ACVR1: variants seen among roughly 807,000 people sequenced by gnomAD.
ACVR1 encodes activin receptor type-1.
ACVR1 carries 38 observed loss-of-function variants against 57.1 expected under a neutral mutation model. The observed-to-expected ratio is 0.67, with a 90% CI of 0.51 to 0.87. The LOEUF (loss-of-function observed/expected upper bound fraction) is 0.87, where lower values mean the gene tolerates loss of function less well. Among genes scored for constraint, ACVR1 ranks in the 40% least tolerant of loss-of-function variants. ACVR1 has a pLI of 0.00. For synonymous variants in ACVR1, 212 were observed against 228.1 expected, an observed-to-expected ratio of 0.93 and a Z score of 0.63; for missense variants, 463 against 638.2, an observed-to-expected ratio of 0.73 and a Z score of 2.96.
chr2:157,739,028 G>C (rs1684645229), intron 9 of ACVR1, among the ~76,000 whole-genome samples: 1 of 152,154 alleles, frequency 6.6e-6, no homozygotes, highest in Non-Finnish European at 1.5e-5. Flanking sequence ...AATAAACCAA[G>C]ACCATCATCA....
chr2:157,837,888 C>A lies in ACVR1; in HGVS notation c.-182-19329G>T, dbSNP rs577594929. Among the ~76,000 whole-genome samples the A allele has an allele frequency of 7.2e-5, 11 of 152,310 alleles. 1 individual carries two copies. The South Asian group carries it at 1.2e-3, about 17-fold the overall frequency. On this transcript the variant is annotated intron_variant, in intron 1 of 10. Transcript: ENST00000434821. ...TGAACGTGGACTCTTGACTCGAATT[C>A]TCTGCCCCTCTTTGCAGCTGTTGTC...
chr2:157,840,770 C>T (rs1041333711), intron 1 of ACVR1, among the ~76,000 whole-genome samples: 1 of 152,264 alleles, frequency 6.6e-6, no homozygotes, highest in Non-Finnish European at 1.5e-5. Context: ...GGGTTCAGGT[C>T]AGCCAAAGCA....
intron 3 of ACVR1, 23 bp downstream of exon 3, chr2:157,799,404 C>T (rs748070266): frequency 2.0e-5 from 31 of 1,583,792 alleles, no homozygotes; most frequent in African/African-American, 2.7e-5. Flanking sequence ...TTATCTTAAC[C>T]CAAAAAGATG....
intron 1 of ACVR1, among the ~76,000 whole-genome samples, chr2:157,863,969 C>T (rs1191155701): frequency 6.7e-6 from 1 of 149,860 alleles, no homozygotes; most frequent in East Asian, 2.0e-4. Flanking sequence ...AAGAGATTCT[C>T]CTGCCTCAGC....
At chr2:157,872,867 C>T (rs1047628362) in intron 1 of ACVR1, among the ~76,000 whole-genome samples, 3 of 152,146 alleles carry the variant, frequency 2.0e-5, no homozygotes, top group Admixed American at 6.5e-5. Flanking sequence ...AAAACCAGAA[C>T]ATCACCAACA....
intron 1 of ACVR1, among the ~76,000 whole-genome samples, chr2:157,864,072 C>G (rs1252610551): frequency 6.6e-6 from 1 of 151,702 alleles, no homozygotes; most frequent in Admixed American, 6.6e-5. Flanking sequence ...CCATGTTAGT[C>G]AGGATGGTCT....
At chr2:157,757,191 A>G (rs1685472334) in intron 9 of ACVR1, among the ~76,000 whole-genome samples, 1 of 151,550 alleles carries the variant, frequency 6.6e-6, no homozygotes, top group Non-Finnish European at 1.5e-5. Context: ...ATAGCCAGTC[A>G]AACAAACAAA....
chr2:157,861,908 C>A (rs1477247722), intron 1 of ACVR1, among the ~76,000 whole-genome samples: 1 of 152,070 alleles, frequency 6.6e-6, no homozygotes, highest in Non-Finnish European at 1.5e-5. Context: ...TAATTTAATC[C>A]TAAAGTAGAT....
At chr2:157,743,838 T>C (rs1684866440) in intron 9 of ACVR1, among the ~76,000 whole-genome samples, 1 of 152,114 alleles carries the variant, frequency 6.6e-6, no homozygotes, top group Non-Finnish European at 1.5e-5. Flanking sequence ...GACTTCTCAG[T>C]TGCAGATAAG....
chr2:157,838,090 C>G (rs531826850), intron 1 of ACVR1, among the ~76,000 whole-genome samples: 4 of 146,226 alleles, frequency 2.7e-5, no homozygotes, highest in Admixed American at 6.7e-5. Flanking sequence ...AAAGCTTTTC[C>G]CCCCCTCCCC....
At chr2:157,826,705 G>T (rs1359479948) in intron 1 of ACVR1, 2 of 548 alleles carry the variant, frequency 3.6e-3, no homozygotes, top group African/African-American at 5.2e-3. Flanking sequence ...GAGAAGGAAA[G>T]GAAAGGAAAG....
At chr2:157,778,608 A>G (rs1686387202) in intron 4 of ACVR1, among the ~76,000 whole-genome samples, 1 of 152,226 alleles carries the variant, frequency 6.6e-6, no homozygotes, top group Admixed American at 6.5e-5. Flanking sequence ...TTTAAAATAT[A>G]AAGTACTGTA....
chr2:157,742,396 C>T (rs934503923), intron 9 of ACVR1, among the ~76,000 whole-genome samples: 4 of 152,256 alleles, frequency 2.6e-5, no homozygotes, highest in African/African-American at 4.8e-5. Flanking sequence ...TGGCCAGGGA[C>T]GGAACAGACT....
intron 1 of ACVR1, among the ~76,000 whole-genome samples, chr2:157,837,556 C>T (rs974585319): frequency 1.1e-4 from 17 of 152,060 alleles, no homozygotes; most frequent in African/African-American, 3.1e-4. Flanking sequence ...GAAAATAGAG[C>T]GGTACATCTG....
At chr2:157,799,978 G>A (rs995014096) in intron 2 of ACVR1, among the ~76,000 whole-genome samples, 1 of 152,156 alleles carries the variant, frequency 6.6e-6, no homozygotes, top group Non-Finnish European at 1.5e-5. Context: ...TAAAAGGACT[G>A]GAGGCAGAGC....
intron 3 of ACVR1, among the ~76,000 whole-genome samples, chr2:157,781,597 G>GT (rs1686528063): frequency 1.3e-5 from 2 of 152,234 alleles, no homozygotes; most frequent in South Asian, 2.1e-4. Context: ...TGTTTGAACA[G>GT]TAAGGTGACA....
In ACVR1 at chr2:157,765,328, T is replaced by C. The variant is rs939857182; in HGVS notation, c.1066+593A>G. ...ACAGAATGATTTTAGAGACCACTTTTAAGATAAACTAATTCTATAGAGTAT... is the reference window on the plus strand; with the variant it reads ...ACAGAATGATTTTAGAGACCACTTTCAAGATAAACTAATTCTATAGAGTAT... On this transcript the variant is annotated intron_variant, in intron 8 of 10. Transcript: ENST00000434821. 5.9e-5 allele frequency among the ~76,000 whole-genome samples: 9 copies of C among 152,218 alleles called. No individual in the cohort carries two copies. In the East Asian group the frequency reaches 1.5e-3, roughly 26 times the overall value.
intron 1 of ACVR1, among the ~76,000 whole-genome samples, chr2:157,831,254 A>T (rs1367657665): frequency 6.6e-6 from 1 of 152,244 alleles, no homozygotes; most frequent in East Asian, 1.9e-4. Context: ...AAAGGAGGCA[A>T]TGGCCAAAGA....
At chr2:157,873,783 T>C (rs965849444) in intron 1 of ACVR1, among the ~76,000 whole-genome samples, 1 of 152,220 alleles carries the variant, frequency 6.6e-6, no homozygotes, top group Non-Finnish European at 1.5e-5. Flanking sequence ...ATCTCTGTTA[T>C]ACCTTCCTTG....
Sources: allele counts gnomAD v4.1 joint callset (sites outside exome capture counted in the v4.1 genomes callset), GRCh38; gene constraint gnomAD v4.1.1; transcripts MANE v1.5; gene names NCBI Gene and HGNC (gene_info 2026-07-23, HGNC 2026-07-21).